The following NRG1 variants were observed in gnomAD, a reference collection of about 807,000 sequenced individuals.
NRG1 encodes the protein pro-neuregulin-1, membrane-bound isoform.
NRG1 carries 18 observed loss-of-function variants against 63.8 expected under a neutral mutation model. The ratio of observed to expected loss-of-function variants is 0.28; its 90% CI spans 0.19 to 0.42. The LOEUF (loss-of-function observed/expected upper bound fraction) is 0.42. NRG1 is among the 10% of genes least tolerant of loss of function. The pLI is 1.00. For missense variants in NRG1, 762 were observed against 814.7 expected (o/e 0.94, Z 0.79); for synonymous variants, 302 against 301.3 (o/e 1.00, Z -0.02).
At chr8:31,819,336 A>G (rs934341549) in intron 1 of NRG1, among the ~76,000 whole-genome samples, 3 of 152,240 alleles carry the variant, frequency 2.0e-5, no homozygotes, top group African/African-American at 7.2e-5. Flanking sequence ...ACATTGTTAC[A>G]TGTTTTAAGA....
At chr8:32,067,778 C>A (rs1270337028) in intron 1 of NRG1, among the ~76,000 whole-genome samples, 3 of 152,244 alleles carry the variant, frequency 2.0e-5, no homozygotes, top group East Asian at 1.9e-4. Flanking sequence ...TATATATTAT[C>A]CATACACGAT....
In NRG1 at chr8:32,567,032, G is replaced by A. The variant is rs553642799; in HGVS notation, c.100+18206G>A. Reference sequence around the variant, plus strand: ...TAATTTTTGTATTTTTCGTAGAGACGGGGTTTCACCATATTGGCCAGGCTG... The same window carrying A: ...TAATTTTTGTATTTTTCGTAGAGACAGGGTTTCACCATATTGGCCAGGCTG... On this transcript the variant is annotated intron_variant, in intron 1 of 11. Coordinates refer to ENST00000356819, the Ensembl canonical transcript of NRG1. 2.4e-3 allele frequency among the ~76,000 whole-genome samples: 370 copies of A among 152,166 alleles called. 2 individuals are homozygous for A. The highest frequency in any genetic ancestry group is 6.5e-3 in the African/African-American group (269 of 41,518).
chr8:32,629,762 C>T (rs1849945389), intron 5 of NRG1, among the ~76,000 whole-genome samples: 2 of 152,066 alleles, frequency 1.3e-5, no homozygotes, highest in South Asian at 4.2e-4. Flanking sequence ...ATCAGTTTCT[C>T]CTTTGATAGG....
At chr8:31,800,607 A>G (rs1234114188) in intron 1 of NRG1, among the ~76,000 whole-genome samples, 1 of 152,204 alleles carries the variant, frequency 6.6e-6, no homozygotes, top group Non-Finnish European at 1.5e-5. Context: ...TGGTGTTGCT[A>G]AACAAACATT....
chr8:31,709,217 G>C, intron 1 of NRG1, among the ~76,000 whole-genome samples: 1 of 129,398 alleles, frequency 7.7e-6, no homozygotes, highest in East Asian at 2.3e-4. Context: ...TTTTTTTTTT[G>C]GTCAAAAACC....
At chr8:32,713,238 G>T (rs772585575) in intron 5 of NRG1, among the ~76,000 whole-genome samples, 1 of 152,092 alleles carries the variant, frequency 6.6e-6, no homozygotes, top group East Asian at 1.9e-4. Flanking sequence ...TTCCCATCAG[G>T]ATTTGAAGCT....
At chr8:32,356,584 A>T (rs1488209874) in intron 1 of NRG1, among the ~76,000 whole-genome samples, 1 of 148,156 alleles carries the variant, frequency 6.7e-6, no homozygotes, top group Non-Finnish European at 1.5e-5. Context: ...GGCCTGTTCT[A>T]ATTAGTGCTG....
intron 1 of NRG1, among the ~76,000 whole-genome samples, chr8:31,757,546 G>A (rs1402856056): frequency 6.6e-6 from 1 of 151,950 alleles, no homozygotes; most frequent in Non-Finnish European, 1.5e-5. Flanking sequence ...TTTTCTCATG[G>A]GCAGCCTAGA....
At chr8:32,083,627 T>A (rs1243894753) in intron 1 of NRG1, among the ~76,000 whole-genome samples, 2 of 152,152 alleles carry the variant, frequency 1.3e-5, no homozygotes, top group Non-Finnish European at 2.9e-5. Context: ...CCCTTCATCT[T>A]TAAGACACCT....
exon 1 of NRG1, chr8:31,639,427 C>T (rs979989019): frequency 6.5e-7 from 1 of 1,534,914 alleles, no homozygotes; most frequent in Non-Finnish European, 8.7e-7. Context: ...GAGTTGGCAC[C>T]ACAGGTAAAC....
Position 32,222,034 on chromosome 8 carries a change from T to TATAC in NRG1, c.38-373793_38-373792insTACA, listed in dbSNP as rs1554658204. Among the ~76,000 whole-genome samples, 1,163 of 148,660 alleles carry TATAC rather than the reference T, an allele frequency of 7.8e-3. 12 individuals are homozygous for TATAC. Among genetic ancestry groups the TATAC allele is most frequent in the East Asian group, 0.036 (183 of 5,050 alleles). Reference sequence around the variant, plus strand: ...TAAAGTGTCTATATGGAAACATACATACACACACACACACACACACACACA... The same window carrying TATAC: ...TAAAGTGTCTATATGGAAACATACATATACACACACACACACACACACACACACA... On this transcript the variant is annotated intron_variant, in intron 1 of 10. Coordinates refer to the NRG1 transcript ENST00000519301.
At chr8:32,240,930 GAGA>G (rs1848036970) in intron 1 of NRG1, among the ~76,000 whole-genome samples, 1 of 152,042 alleles carries the variant, frequency 6.6e-6, no homozygotes, top group Non-Finnish European at 1.5e-5. Flanking sequence ...AATGTTGCAA[GAGA>G]AGGAGAATGG....
chr8:32,499,138 C>T (rs1464602467), intron 1 of NRG1, among the ~76,000 whole-genome samples: 2 of 152,150 alleles, frequency 1.3e-5, no homozygotes, highest in African/African-American at 2.4e-5. Flanking sequence ...TCCCACTGAT[C>T]TCACTAAACC....
chr8:32,115,397 T>C (rs530894643), intron 1 of NRG1, among the ~76,000 whole-genome samples: 1 of 152,240 alleles, frequency 6.6e-6, no homozygotes, highest in South Asian at 2.1e-4. Context: ...GTTATATATA[T>C]ACATTACACT....
chr8:31,663,899 G>C (rs529915830), intron 1 of NRG1, among the ~76,000 whole-genome samples: 1 of 152,144 alleles, frequency 6.6e-6, no homozygotes, highest in Non-Finnish European at 1.5e-5. Flanking sequence ...AAAGCAAAGA[G>C]AGTAGGTAAC....
chr8:31,689,933 G>A (rs1435160796), intron 1 of NRG1, among the ~76,000 whole-genome samples: 2 of 152,138 alleles, frequency 1.3e-5, no homozygotes, highest in African/African-American at 2.4e-5. Context: ...TTTGAGTAAA[G>A]GCTTTGATGT....
At chr8:32,352,844 C>T (rs1805785267) in intron 1 of NRG1, among the ~76,000 whole-genome samples, 1 of 151,632 alleles carries the variant, frequency 6.6e-6, no homozygotes, top group Admixed American at 6.6e-5. Flanking sequence ...TGCAACTGTG[C>T]TCCATCTTGG....
chr8:32,690,474 G>A (rs1360485109), intron 5 of NRG1, among the ~76,000 whole-genome samples: 3 of 152,102 alleles, frequency 2.0e-5, no homozygotes, highest in Non-Finnish European at 2.9e-5. Context: ...ATGCCATAAG[G>A]ACAATGGAGG....
At chr8:32,138,232 T>A (rs1019263349) in intron 1 of NRG1, among the ~76,000 whole-genome samples, 5 of 152,064 alleles carry the variant, frequency 3.3e-5, no homozygotes, top group Non-Finnish European at 4.4e-5. Flanking sequence ...TCAGGGGCGA[T>A]GTACCAGTGC....
Sources: allele counts gnomAD v4.1 joint callset (sites outside exome capture counted in the v4.1 genomes callset), GRCh38; gene constraint gnomAD v4.1.1; transcripts MANE v1.5; gene names NCBI Gene and HGNC (gene_info 2026-07-23, HGNC 2026-07-21).